Variants in ABI2 observed in about 807,000 individuals in gnomAD.
The protein encoded by ABI2 is abelson interactor 2.
ABI2 carries 25 observed loss-of-function variants against 59.2 expected under a neutral mutation model. The ratio of observed to expected loss-of-function variants is 0.42; its 90% CI spans 0.31 to 0.59. The LOEUF is 0.59. Among genes scored for constraint, ABI2 ranks in the 20% least tolerant of loss-of-function variants. The pLI is 0.14. For synonymous variants in ABI2, 213 were observed against 235.5 expected (o/e 0.90, Z 0.87); for missense variants, 545 against 681.8 (o/e 0.80, Z 2.23).
chr2:203,357,842 C>T (rs1559207604), intron 1 of ABI2, among the ~76,000 whole-genome samples: 1 of 152,066 alleles, frequency 6.6e-6, no homozygotes. Flanking sequence ...AGTCTTGGCT[C>T]ACTGCAGCCT....
chr2:203,375,300 A>G (rs565524863), intron 2 of ABI2, among the ~76,000 whole-genome samples: 2 of 152,242 alleles, frequency 1.3e-5, no homozygotes, highest in Admixed American at 1.3e-4. Context: ...TGTGTATTTG[A>G]ATTAGTTTTG....
intron 2 of ABI2, among the ~76,000 whole-genome samples, chr2:203,368,881 A>G (rs1458334608): frequency 6.6e-6 from 1 of 151,766 alleles, no homozygotes. Flanking sequence ...TAGTTGTACA[A>G]TCATGGCTCA....
At chr2:203,353,614 G>A (rs2090221977) in intron 1 of ABI2, among the ~76,000 whole-genome samples, 1 of 152,144 alleles carries the variant, frequency 6.6e-6, no homozygotes, top group South Asian at 2.1e-4. Flanking sequence ...TGAGTAGCTA[G>A]GACTACAGGC....
At chr2:203,345,101 C>T (rs1035504859) in intron 1 of ABI2, among the ~76,000 whole-genome samples, 3 of 152,306 alleles carry the variant, frequency 2.0e-5, no homozygotes, top group East Asian at 3.9e-4. Context: ...TAGGCTCTTC[C>T]CCAGTAAATC....
chr2:203,372,853 A>C (rs1559253359), intron 2 of ABI2, among the ~76,000 whole-genome samples: 1 of 150,562 alleles, frequency 6.6e-6, no homozygotes, highest in Non-Finnish European at 1.5e-5. Flanking sequence ...GGGCGCCCTC[A>C]TATCCCAGAC....
chr2:203,371,144 G>A (rs944142155), intron 2 of ABI2, among the ~76,000 whole-genome samples: 1 of 152,024 alleles, frequency 6.6e-6, no homozygotes, highest in Admixed American at 6.6e-5. Context: ...TTATTTTTGC[G>A]ATTCTCACAA....
chr2:203,357,214 AT>A (rs534875811), intron 1 of ABI2, among the ~76,000 whole-genome samples: 7 of 152,218 alleles, frequency 4.6e-5, no homozygotes, highest in Non-Finnish European at 8.8e-5. Flanking sequence ...GAATCATGAC[AT>A]TTTATAGCTG....
At chr2:203,406,838 T>TC (rs2097446869) in intron 9 of ABI2, among the ~76,000 whole-genome samples, 1 of 152,132 alleles carries the variant, frequency 6.6e-6, no homozygotes, top group Non-Finnish European at 1.5e-5. Flanking sequence ...TCTTTTTTTT[T>TC]CTTTAATAGA....
At chr2:203,411,985 T>C (rs1479387570) in intron 10 of ABI2, among the ~76,000 whole-genome samples, 3 of 152,192 alleles carry the variant, frequency 2.0e-5, no homozygotes, top group Non-Finnish European at 4.4e-5. Flanking sequence ...CCAGTGAACA[T>C]AGACTGTATG....
At chr2:203,376,832 C>G (rs2095734979) in intron 2 of ABI2, among the ~76,000 whole-genome samples, 1 of 150,516 alleles carries the variant, frequency 6.6e-6, no homozygotes, top group Non-Finnish European at 1.5e-5. Context: ...TGTAAATGTC[C>G]CCAATCCCTA....
At chr2:203,342,309 A>G in intron 1 of ABI2, 1 of 439,202 alleles carries the variant, frequency 2.3e-6, no homozygotes, top group Non-Finnish European at 4.5e-6. Flanking sequence ...ATTTTGAATT[A>G]ATGGAGTTGA....
chr2:203,421,964 C>CAAAAAA (rs35435663), intron 11 of ABI2, among the ~76,000 whole-genome samples: 28 of 102,604 alleles, frequency 2.7e-4, no homozygotes, highest in African/African-American at 1.0e-3. Flanking sequence ...GACTCTGTCT[C>CAAAAAA]AAAAAAAAAA....
At chr2:203,363,783 A>G (rs2093910924) in intron 1 of ABI2, among the ~76,000 whole-genome samples, 1 of 151,134 alleles carries the variant, frequency 6.6e-6, no homozygotes, top group Non-Finnish European at 1.5e-5. Context: ...TTTTTTTTTG[A>G]GACAGAGTTT....
chr2:203,345,564 C>A (rs1366242737), intron 1 of ABI2, among the ~76,000 whole-genome samples: 7 of 152,210 alleles, frequency 4.6e-5, no homozygotes, highest in Admixed American at 3.9e-4. Flanking sequence ...GTGCCCGCCA[C>A]CATGCCAGCT....
intron 11 of ABI2, among the ~76,000 whole-genome samples, chr2:203,418,264 A>G (rs1285022686): frequency 1.3e-5 from 2 of 152,252 alleles, no homozygotes; most frequent in Non-Finnish European, 2.9e-5. Context: ...GTGTATTGCT[A>G]CCTAACAAGT....
At chr2:203,355,552 A>G (rs2091471927) in intron 1 of ABI2, among the ~76,000 whole-genome samples, 1 of 151,174 alleles carries the variant, frequency 6.6e-6, no homozygotes, top group Non-Finnish European at 1.5e-5. Context: ...CCAAGAGGCC[A>G]GGCGCAGTGG....
intron 2 of ABI2, among the ~76,000 whole-genome samples, chr2:203,379,393 A>C (rs1188964381): frequency 6.6e-6 from 1 of 152,096 alleles, no homozygotes; most frequent in Admixed American, 6.5e-5. Flanking sequence ...GATTACAGGC[A>C]TGTGCTGTCA....
At chr2:203,417,338 G>A (rs970181182) in intron 11 of ABI2, among the ~76,000 whole-genome samples, 2 of 152,162 alleles carry the variant, frequency 1.3e-5, no homozygotes, top group African/African-American at 4.8e-5. Flanking sequence ...TTCTATCAGT[G>A]TTTTTCTGTT....
At chr2:203,413,704 C>T (rs913095061) in intron 10 of ABI2, among the ~76,000 whole-genome samples, 4 of 152,126 alleles carry the variant, frequency 2.6e-5, no homozygotes, top group African/African-American at 9.7e-5. Context: ...AGTCTTTAAA[C>T]TCTTTAAAAC....
Sources: gnomAD v4.1 joint callset for allele counts (sites outside exome capture counted in the v4.1 genomes callset) on GRCh38, gnomAD v4.1.1 for gene constraint, MANE v1.5 for transcripts, NCBI Gene and HGNC (gene_info 2026-07-23, HGNC 2026-07-21) for gene names.